Variants in DTYMK observed in about 807,000 individuals in gnomAD.
DTYMK encodes thymidylate kinase.
A neutral mutation model predicts 20.3 loss-of-function variants in DTYMK; 20 were observed. The ratio of observed to expected loss-of-function variants is 0.99; its 90% CI spans 0.69 to 1.43. The LOEUF (loss-of-function observed/expected upper bound fraction) is 1.43. Among genes scored for constraint, DTYMK ranks in the 40% most tolerant of loss-of-function variants. DTYMK has a pLI of 0.00. For missense variants in DTYMK, 320 were observed against 291.1 expected, an observed-to-expected ratio of 1.10 and a Z score of -0.72; for synonymous variants, 148 against 124.4, an observed-to-expected ratio of 1.19 and a Z score of -1.27.
intron 3 of DTYMK, 54 bp downstream of exon 3, chr2:241,680,175 A>G: frequency 6.4e-7 from 1 of 1,561,242 alleles, no homozygotes; most frequent in Non-Finnish European, 8.8e-7. Context: ...ATTCAAGGGC[A>G]GTCCTGGGTC....
rs761756670 is a variant in DTYMK, at chr2:241,676,209, GCTT to G, written c.554_556del (p.Glu185del). 6.2e-7 allele frequency: 1 copy of G among 1,612,694 alleles called. No homozygotes were observed. Among genetic ancestry groups the G allele is most frequent in the East Asian group, 2.2e-5 (1 of 44,850 alleles). On this transcript the variant is annotated inframe_deletion, in exon 5 of 5. Coordinates refer to ENST00000305784, the MANE Select transcript of DTYMK (RefSeq NM_012145.4). ...GAGCACGCGGATGTCCTCATGGACA[GCTT>G]CGATGCTTTTGGAAGCATCCACCAT...
In DTYMK at chr2:241,686,769, G is replaced by C. The variant is rs2069428306; in HGVS notation, c.15C>G (p.Arg5=). 1.4e-6 allele frequency: 2 copies of C among 1,461,288 alleles called. No individual in the cohort carries two copies. Among genetic ancestry groups the C allele is most frequent in the East Asian group, 2.7e-5 (1 of 36,652 alleles). 90.5% of individuals were successfully genotyped at this position (1,461,288 alleles called of 1,614,324 possible). MAAR[R]GALIVLEGVD... ...CGCCCTCCAGCACTATGAGAGCCCC[G>C]CGCCGGGCCGCCATGACTGTCCACC... The change falls in exon 1 of 5, where the codon CGC becomes CGG. Residue 5 remains arginine, a synonymous_variant. Transcript: ENST00000305784.
chr2:241,682,784 C>T (rs954249814), intron 2 of DTYMK: 5 of 175,520 alleles, frequency 2.8e-5, no homozygotes, highest in South Asian at 8.7e-5. Context: ...ATTAGCCGGG[C>T]GTGGTGGTGG....
At position 241,680,228 on chromosome 2, in the gene DTYMK, C is replaced by T. The variant is rs1171792814; in HGVS notation, c.330+1G>A. The T allele has an allele frequency of 1.2e-6, 2 of 1,614,104 alleles. No homozygotes were observed. The highest frequency in any genetic ancestry group is 8.5e-7 in the Non-Finnish European group (1 of 1,179,974). On this transcript the variant is annotated splice_donor_variant, in intron 3 of 4. Coordinates refer to ENST00000305784, the MANE Select transcript of DTYMK (RefSeq NM_012145.4). LOFTEE classifies it high-confidence loss of function. The stretch of plus-strand genomic sequence containing the variant: ...CTGACAGGAGGCCAAGTGGCACTCA[C>T]CTCCTTGGCACCGGTGAAGGCCACA...
rs1489263643 is a variant in DTYMK at position 241,686,753 on chromosome 2, G to A, written c.31C>T (p.Leu11=). Residue 11 remains leucine, a synonymous_variant, in exon 1 of 5, where the codon CTG becomes TTG. Coordinates refer to ENST00000305784, the MANE Select transcript of DTYMK (RefSeq NM_012145.4). MAARRGALIV[L]EGVDRAGKST... ...TTCCCGGCGCGGTCCACGCCCTCCA[G>A]CACTATGAGAGCCCCGCGCCGGGCC... The A allele has an allele frequency of 1.9e-5, 29 of 1,509,612 alleles. No individual in the cohort carries two copies. The highest frequency in any genetic ancestry group is 2.4e-5 in the Non-Finnish European group (28 of 1,144,260). 93.5% of individuals were successfully genotyped at this position (1,509,612 alleles called of 1,614,324 possible).
At chr2:241,683,623 C>G (rs1458098888) in intron 2 of DTYMK, among the ~76,000 whole-genome samples, 2 of 152,102 alleles carry the variant, frequency 1.3e-5, no homozygotes, top group Non-Finnish European at 2.9e-5. Context: ...GAAGTGAAAG[C>G]TTATGACCAC....
In DTYMK at chr2:241,686,759, TGA is replaced by T; in HGVS notation, c.23_24del (p.Leu8HisfsTer40). ...GCGCGGTCCACGCCCTCCAGCACTA[TGA>T]GAGCCCCGCGCCGGGCCGCCATGAC... is the stretch of plus-strand genomic sequence containing the variant. MAARRGALIVLEGVDRAG... is the reference protein window; with the variant it reads MAARRGAXIVLEGVDRAG... On this transcript the variant is annotated frameshift_variant, in exon 1 of 5. Coordinates refer to ENST00000305784, the MANE Select transcript of DTYMK (RefSeq NM_012145.4). LOFTEE classifies it high-confidence loss of function. 1 of 1,486,744 alleles carries T rather than the reference TGA, an allele frequency of 6.7e-7. No individual in the cohort carries two copies. The highest frequency in any genetic ancestry group is 1.5e-5 in the African/African-American group (1 of 68,590). 92.1% of individuals were successfully genotyped at this position (1,486,744 alleles called of 1,614,324 possible). A position where few individuals can be genotyped will look rare whatever the true frequency, so the allele number is the denominator to read the frequency against.
At chr2:241,683,085 C>CA (rs1304271969) in intron 2 of DTYMK, among the ~76,000 whole-genome samples, 1 of 151,472 alleles carries the variant, frequency 6.6e-6, no homozygotes, top group Non-Finnish European at 1.5e-5. Flanking sequence ...GACCCTGTCC[C>CA]AAAAAAAAGA....
Position 241,680,277 on chromosome 2 carries a change from G to C in DTYMK, c.282C>G (p.Val94=). ...CACCAGAAAATGCGTATCTGTCCAC[G>C]ACGAGGGTCACGCCCTGGCTCAACT... ...KEKLSQGVTL[V]VDRYAFSGVA... The change falls in exon 3 of 5, where the codon GTC becomes GTG. Residue 94 remains valine, a synonymous_variant. Transcript: ENST00000305784. 6.2e-7 allele frequency: 1 copy of C among 1,614,170 alleles called. No individual in the cohort carries two copies. Among genetic ancestry groups the C allele is most frequent in the Non-Finnish European group, 8.5e-7 (1 of 1,180,028 alleles).
rs1022472985 is a variant in DTYMK, at chr2:241,686,796, C to A, written c.-13G>T. ...GCCGGGCCGCCATGACTGTCCACCG[C>A]CCGCCGCTGGCGTCTCCACGCAGCC... is the stretch of plus-strand genomic sequence containing the variant. On this transcript the variant is annotated 5_prime_UTR_variant, in exon 1 of 5. Coordinates refer to ENST00000305784, the MANE Select transcript of DTYMK (RefSeq NM_012145.4). 2.1e-6 allele frequency: 3 copies of A among 1,450,028 alleles called. No individual in the cohort carries two copies. The highest frequency in any genetic ancestry group is 2.7e-6 in the Non-Finnish European group (3 of 1,114,260). 89.8% of individuals were successfully genotyped at this position (1,450,028 alleles called of 1,614,324 possible). A position where few individuals can be genotyped will look rare whatever the true frequency, so the allele number is the denominator to read the frequency against.
intron 1 of DTYMK, among the ~76,000 whole-genome samples, chr2:241,686,105 T>G (rs1181116791): frequency 6.6e-6 from 1 of 152,162 alleles, no homozygotes. Context: ...AAAAAAGAAC[T>G]CGGGTAGAAA....
chr2:241,684,766 CAAAA>C (rs770675924), intron 2 of DTYMK: 2 of 452,800 alleles, frequency 4.4e-6, no homozygotes, highest in African/African-American at 2.1e-5. Flanking sequence ...TGATGTAAAA[CAAAA>C]AAAGGTGGTA....
At chr2:241,678,734 G>T in intron 3 of DTYMK, 85 bp from the exon 4 acceptor site, 1 of 1,468,330 alleles carries the variant, frequency 6.8e-7, no homozygotes. Context: ...AAAATGAGGG[G>T]ACATTTGGTG....
At chr2:241,678,804 G>C (rs920161280) in intron 3 of DTYMK, among the ~76,000 whole-genome samples, 155 bp from the exon 4 acceptor site, 17 of 152,296 alleles carry the variant, frequency 1.1e-4, no homozygotes, top group Non-Finnish European at 7.4e-5. Flanking sequence ...AACCTCAAAC[G>C]TGTCGGTTTC....
intron 4 of DTYMK, 89 bp from the exon 5 acceptor site, chr2:241,676,326 T>C (rs1054780298): frequency 1.0e-5 from 13 of 1,258,680 alleles, no homozygotes; most frequent in Non-Finnish European, 1.4e-5. Flanking sequence ...TCCCAGCACT[T>C]TGGGAGGCCC....
intron 3 of DTYMK, among the ~76,000 whole-genome samples, chr2:241,679,617 G>A (rs1190368075): frequency 6.6e-6 from 1 of 152,066 alleles, no homozygotes; most frequent in Non-Finnish European, 1.5e-5. Context: ...GCAACAGAGG[G>A]AGACGCCCTC....
intron 4 of DTYMK, 129 bp downstream of exon 4, chr2:241,678,323 C>T (rs547936249): frequency 2.4e-5 from 32 of 1,317,492 alleles, no homozygotes; most frequent in Middle Eastern, 5.5e-4. Flanking sequence ...CGACTACTCC[C>T]GGGGCTCCAC....
At position 241,676,188 on chromosome 2, in the gene DTYMK, A is replaced by C. The variant is rs1461837970; in HGVS notation, c.578T>G (p.Val193Gly). The change falls in exon 5 of 5, where the codon GTG becomes GGG. Residue 193 changes from valine (V) to glycine (G), a missense_variant. Transcript: ENST00000305784. ...SIEAVHEDIR[V>G]LSEDAIRTAT... is the part of the protein sequence containing the mutation. Reference sequence around the variant, plus strand: ...AGTGCGGATGGCGTCCTCAGAGAGCACGCGGATGTCCTCATGGACAGCTTC... The same window carrying C: ...AGTGCGGATGGCGTCCTCAGAGAGCCCGCGGATGTCCTCATGGACAGCTTC... 1.6e-5 allele frequency: 26 copies of C among 1,613,192 alleles called. No individual in the cohort carries two copies. Among genetic ancestry groups the C allele is most frequent in the Non-Finnish European group, 2.2e-5 (26 of 1,179,824 alleles).
rs2069105104 is a variant in DTYMK at position 241,676,032 on chromosome 2, G to A, written c.*95C>T. ...CTGCCGGGAAAGAGCTCCTGAAGTT[G>A]TGGGGTCTGGACTCTGCTGGGGACG... On this transcript the variant is annotated 3_prime_UTR_variant, in exon 5 of 5. Transcript: ENST00000305784. 4 of 1,164,096 alleles carry A rather than the reference G, an allele frequency of 3.4e-6. No individual in the cohort carries two copies. Among genetic ancestry groups the A allele is most frequent in the Non-Finnish European group, 4.7e-6 (4 of 848,802 alleles). 72.1% of individuals were successfully genotyped at this position (1,164,096 alleles called of 1,614,324 possible).
Sources: allele counts gnomAD v4.1 joint callset (sites outside exome capture counted in the v4.1 genomes callset), GRCh38; gene constraint gnomAD v4.1.1; transcripts MANE v1.5; gene names NCBI Gene and HGNC (gene_info 2026-07-23, HGNC 2026-07-21).